The following ABTB3 variants were observed in gnomAD, a reference collection of about 807,000 sequenced individuals.
ABTB3 encodes ankyrin repeat- and BTB/POZ domain-containing protein 3.
chr12:107,573,243 G>C, the ABTB3 span, among the ~76,000 whole-genome samples: 1 of 152,178 alleles, frequency 6.6e-6, no homozygotes, highest in East Asian at 1.9e-4. Context: ...TCAGCCAATT[G>C]TGCATGATGG....
the ABTB3 span, among the ~76,000 whole-genome samples, chr12:107,494,668 G>C: frequency 6.6e-6 from 1 of 152,230 alleles, no homozygotes; most frequent in Non-Finnish European, 1.5e-5. Flanking sequence ...TCGGAGCCTG[G>C]GCATCTCCTC....
the ABTB3 span, among the ~76,000 whole-genome samples, chr12:107,552,055 A>C: frequency 1.2e-4 from 19 of 152,188 alleles, no homozygotes; most frequent in Admixed American, 1.3e-4. Context: ...CCCAGCCATA[A>C]TCTTCCTTTT....
chr12:107,336,637 A>G, the ABTB3 span, among the ~76,000 whole-genome samples: 1 of 152,056 alleles, frequency 6.6e-6, no homozygotes, highest in African/African-American at 2.4e-5. Flanking sequence ...CTATTATAAC[A>G]CTCATCAGAT....
chr12:107,493,155 C>T, the ABTB3 span, among the ~76,000 whole-genome samples: 2 of 152,006 alleles, frequency 1.3e-5, no homozygotes, highest in Non-Finnish European at 2.9e-5. Context: ...AAGGCATCAC[C>T]TGGGGACCGA....
chr12:107,466,921 G>A, the ABTB3 span, among the ~76,000 whole-genome samples: 1 of 152,084 alleles, frequency 6.6e-6, no homozygotes, highest in Non-Finnish European at 1.5e-5. Flanking sequence ...GGGCATTCAA[G>A]GCACAGCATG....
the ABTB3 span, among the ~76,000 whole-genome samples, chr12:107,549,146 T>C: frequency 6.6e-6 from 1 of 152,216 alleles, no homozygotes; most frequent in Non-Finnish European, 1.5e-5. Flanking sequence ...AACATGAGTA[T>C]ACAATCACCA....
the ABTB3 span, among the ~76,000 whole-genome samples, chr12:107,452,633 A>T: frequency 4.6e-5 from 7 of 152,104 alleles, no homozygotes; most frequent in Admixed American, 2.0e-4. Context: ...TGAGGTCAGG[A>T]GTTCGTGATC....
chr12:107,436,795 C>A, the ABTB3 span, among the ~76,000 whole-genome samples: 1 of 152,086 alleles, frequency 6.6e-6, no homozygotes, highest in East Asian at 1.9e-4. Context: ...CTTTATAAAT[C>A]TTTGTGGAAC....
chr12:107,613,559 T>C, the ABTB3 span, among the ~76,000 whole-genome samples: 1 of 152,132 alleles, frequency 6.6e-6, no homozygotes, highest in Non-Finnish European at 1.5e-5. Context: ...TAACCTTTTT[T>C]CTCTCCCAAT....
the ABTB3 span, among the ~76,000 whole-genome samples, chr12:107,375,219 C>T: frequency 1.6e-3 from 237 of 152,194 alleles, no homozygotes; most frequent in African/African-American, 5.3e-3. Flanking sequence ...AAATTTGAGA[C>T]CAGCCTGGGC....
the ABTB3 span, among the ~76,000 whole-genome samples, chr12:107,469,477 A>C: frequency 2.0e-3 from 300 of 152,290 alleles, no homozygotes; most frequent in African/African-American, 6.6e-3. Flanking sequence ...ACTGGCACCC[A>C]TCTGATGGGG....
At chr12:107,394,785 C>T in the ABTB3 span, among the ~76,000 whole-genome samples, 42,594 of 151,964 alleles carry the variant, frequency 0.28, 6,161 homozygotes, top group Admixed American at 0.35. Flanking sequence ...AGCTGTTTTC[C>T]TCCTCCTCAT....
At chr12:107,466,024 G>C in the ABTB3 span, among the ~76,000 whole-genome samples, 19 of 152,176 alleles carry the variant, frequency 1.2e-4, 1 homozygote. Context: ...CAAACAGCGC[G>C]AGCAAGATAG....
the ABTB3 span, among the ~76,000 whole-genome samples, chr12:107,645,120 C>G: frequency 6.6e-6 from 1 of 152,022 alleles, no homozygotes; most frequent in Admixed American, 6.6e-5. Flanking sequence ...TAACAGGTGC[C>G]GCTTGGCTAA....
the ABTB3 span, among the ~76,000 whole-genome samples, chr12:107,421,864 G>A: frequency 6.6e-6 from 1 of 152,152 alleles, no homozygotes; most frequent in Non-Finnish European, 1.5e-5. Flanking sequence ...TACATATTTA[G>A]CATTTACTCA....
the ABTB3 span, among the ~76,000 whole-genome samples, chr12:107,656,253 A>C: frequency 6.6e-6 from 1 of 151,852 alleles, no homozygotes; most frequent in Middle Eastern, 3.2e-3. Flanking sequence ...GTAAGCAGAG[A>C]TCATGCCACC....
the ABTB3 span, among the ~76,000 whole-genome samples, chr12:107,363,214 T>C: frequency 6.6e-6 from 1 of 152,238 alleles, no homozygotes; most frequent in African/African-American, 2.4e-5. Context: ...TTAATTGCTT[T>C]TGAAAGAACC....
At chr12:107,516,057 G>T in the ABTB3 span, among the ~76,000 whole-genome samples, 5 of 62,482 alleles carry the variant, frequency 8.0e-5, no homozygotes, top group Admixed American at 6.3e-4. Context: ...GTGTGTGTGC[G>T]CACACACACA....
chr12:107,450,672 T>G, the ABTB3 span, among the ~76,000 whole-genome samples: 1 of 152,198 alleles, frequency 6.6e-6, no homozygotes, highest in Non-Finnish European at 1.5e-5. Context: ...TCCTCCTTCC[T>G]GTGATATGCG....
Sources: gnomAD v4.1 joint callset for allele counts (sites outside exome capture counted in the v4.1 genomes callset) on GRCh38, gnomAD v4.1.1 for gene constraint, MANE v1.5 for transcripts, NCBI Gene and HGNC (gene_info 2026-07-23, HGNC 2026-07-21) for gene names.